Variants in STAU2 observed in about 807,000 individuals in gnomAD.
STAU2 encodes staufen double-stranded RNA binding protein 2.
In STAU2, 20 loss-of-function variants were observed where a neutral mutation model predicts 65.9. That is an observed-to-expected ratio of 0.30 (90% confidence interval 0.21 to 0.44). The LOEUF is 0.44. Among genes scored for constraint, STAU2 ranks in the 20% least tolerant of loss-of-function variants. STAU2 has a pLI of 1.00. For missense variants in STAU2, 558 were observed against 683.9 expected (o/e 0.82, Z 2.05); for synonymous variants, 232 against 233.9 (o/e 0.99, Z 0.07).
chr8:73,727,288 A>G (rs1398758783), intron 3 of STAU2, among the ~76,000 whole-genome samples: 10 of 152,180 alleles, frequency 6.6e-5, no homozygotes, highest in Non-Finnish European at 1.2e-4. Flanking sequence ...GTCCACTCAC[A>G]GTGTTGTACA....
intron 13 of STAU2, among the ~76,000 whole-genome samples, chr8:73,462,518 TCCAAGTAGCTGGGA>T (rs1225669496): frequency 1.3e-5 from 2 of 151,906 alleles, no homozygotes; most frequent in Non-Finnish European, 2.9e-5. Context: ...ACCTCAGCCC[TCCAAGTAGCTGGGA>T]CCACAGACAT....
intron 6 of STAU2, chr8:73,653,280 A>G (rs757032296): frequency 6.6e-6 from 1 of 152,214 alleles, no homozygotes; most frequent in Non-Finnish European, 1.5e-5. Context: ...AAGGTTGATA[A>G]TGAGTCAACA....
At chr8:73,475,096 A>G (rs1006918019) in intron 13 of STAU2, among the ~76,000 whole-genome samples, 4 of 152,144 alleles carry the variant, frequency 2.6e-5, no homozygotes, top group African/African-American at 9.7e-5. Flanking sequence ...GAGACAGAAC[A>G]GTGGTGACCT....
intron 13 of STAU2, among the ~76,000 whole-genome samples, chr8:73,486,880 T>C (rs541911291): frequency 2.6e-4 from 40 of 151,926 alleles, no homozygotes; most frequent in Non-Finnish European, 5.7e-4. Flanking sequence ...CTTGAACTCC[T>C]GGGCTCAAGT....
chr8:73,581,370 A>C (rs565034662), intron 12 of STAU2, among the ~76,000 whole-genome samples: 1 of 152,334 alleles, frequency 6.6e-6, no homozygotes, highest in African/African-American at 2.4e-5. Flanking sequence ...ATGTATGCAC[A>C]AACCATCTGA....
At chr8:73,700,288 G>A (rs1368669269) in intron 4 of STAU2, among the ~76,000 whole-genome samples, 1 of 151,950 alleles carries the variant, frequency 6.6e-6, no homozygotes, top group Admixed American at 6.6e-5. Context: ...TTTCACCACT[G>A]TTATTCAACA....
chr8:73,448,776 T>C (rs565305076), intron 13 of STAU2, among the ~76,000 whole-genome samples: 2 of 152,350 alleles, frequency 1.3e-5, no homozygotes, highest in South Asian at 4.1e-4. Context: ...ACAATCCAGC[T>C]GGAGCGATGG....
chr8:73,742,080 TG>T, intron 1 of STAU2: 1 of 374,078 alleles, frequency 2.7e-6, no homozygotes, highest in Non-Finnish European at 3.7e-6. Flanking sequence ...AATTATACCA[TG>T]GACAATTCAG....
intron 3 of STAU2, among the ~76,000 whole-genome samples, chr8:73,730,351 T>A (rs71500506): frequency 0.48 from 73,280 of 152,092 alleles, 19,713 homozygotes; most frequent in Non-Finnish European, 0.62. Context: ...ATACATAGCA[T>A]GATTTCAATC....
chr8:73,615,410 T>C (rs1812758953), intron 8 of STAU2, among the ~76,000 whole-genome samples: 1 of 152,150 alleles, frequency 6.6e-6, no homozygotes, highest in African/African-American at 2.4e-5. Flanking sequence ...AAATTATCTA[T>C]ACCCAGAAAA....
At chr8:73,530,141 T>C (rs931464488) in intron 13 of STAU2, among the ~76,000 whole-genome samples, 2 of 152,158 alleles carry the variant, frequency 1.3e-5, no homozygotes, top group South Asian at 2.1e-4. Flanking sequence ...GAGGACTTCA[T>C]GGAACAGAAC....
intron 13 of STAU2, among the ~76,000 whole-genome samples, chr8:73,548,691 A>C (rs1807106023): frequency 6.6e-6 from 1 of 152,156 alleles, no homozygotes; most frequent in African/African-American, 2.4e-5. Flanking sequence ...CTAAAACACC[A>C]ACTAAGTGTT....
At chr8:73,697,479 C>T (rs1819764462) in intron 4 of STAU2, 1 of 152,116 alleles carries the variant, frequency 6.6e-6, no homozygotes, top group South Asian at 2.1e-4. Flanking sequence ...AAGAAATCAT[C>T]TGAAGGTACA....
intron 6 of STAU2, among the ~76,000 whole-genome samples, chr8:73,625,112 G>T (rs993391387): frequency 2.6e-5 from 4 of 152,044 alleles, no homozygotes; most frequent in Non-Finnish European, 5.9e-5. Context: ...ATACATTCTG[G>T]TGGGAATGTA....
At chr8:73,707,094 T>C (rs1489842247) in intron 4 of STAU2, among the ~76,000 whole-genome samples, 2 of 152,090 alleles carry the variant, frequency 1.3e-5, no homozygotes, top group South Asian at 2.1e-4. Flanking sequence ...ACTGGAGAAA[T>C]GGCCTTGAAG....
intron 13 of STAU2, among the ~76,000 whole-genome samples, chr8:73,461,229 G>C (rs1348142425): frequency 6.6e-6 from 1 of 152,174 alleles, no homozygotes; most frequent in East Asian, 1.9e-4. Context: ...TGGCACACAG[G>C]AGATGTGCAG....
chr8:73,686,536 G>A (rs1255351511), intron 5 of STAU2, among the ~76,000 whole-genome samples: 2 of 147,960 alleles, frequency 1.4e-5, no homozygotes, highest in African/African-American at 2.5e-5. Flanking sequence ...GTGACAGAGC[G>A]AGACTCCCCC....
intron 12 of STAU2, among the ~76,000 whole-genome samples, chr8:73,565,922 C>T (rs1808569548): frequency 6.6e-6 from 1 of 152,000 alleles, no homozygotes; most frequent in South Asian, 2.1e-4. Flanking sequence ...AAGAACCTAT[C>T]AATGATGTTA....
At chr8:73,644,073 G>A (rs1815182624) in intron 6 of STAU2, among the ~76,000 whole-genome samples, 1 of 152,070 alleles carries the variant, frequency 6.6e-6, no homozygotes, top group African/African-American at 2.4e-5. Flanking sequence ...TAAGAGAAGT[G>A]AAATTATACA....
Sources: allele counts gnomAD v4.1 joint callset (sites outside exome capture counted in the v4.1 genomes callset), GRCh38; gene constraint gnomAD v4.1.1; transcripts MANE v1.5; gene names NCBI Gene and HGNC (gene_info 2026-07-23, HGNC 2026-07-21).